Variants in GRM4 observed in about 807,000 individuals in gnomAD.
The protein encoded by GRM4 is glutamate metabotropic receptor 4, also known as metabotropic glutamate receptor 4.
A neutral mutation model predicts 81.7 loss-of-function variants in GRM4; 28 were observed. The ratio of observed to expected loss-of-function variants is 0.34; its 90% CI spans 0.25 to 0.47. The LOEUF is 0.47. Ranked by LOEUF, GRM4 falls within the 20% of genes least tolerant of loss-of-function variation. GRM4 has a pLI of 1.00. For missense variants in GRM4, 948 were observed against 1,290.0 expected (o/e 0.73, Z 4.06); for synonymous variants, 488 against 528.8 (o/e 0.92, Z 1.06).
chr6:34,056,811 T>C (rs1459657789), intron 5 of GRM4, 127 bp from the exon 6 acceptor site: 17 of 1,057,466 alleles, frequency 1.6e-5, no homozygotes, highest in Admixed American at 2.6e-5. Flanking sequence ...GCACATCCTC[T>C]GATCCAGGAG....
Position 34,080,931 on chromosome 6 carries a change from G to A in GRM4, c.736+10952C>T, listed in dbSNP as rs1767563397. ...AGGTCTTCCAAGCCTCAGACCAGGT[G>A]GCGAAACCAGGGACCCTTTGAGATT... On this transcript the variant is annotated intron_variant, in intron 3 of 10. Transcript: ENST00000538487. This position sits in a 1 kb window ranked among gnomAD's most constrained non-coding sequence, Gnocchi z 5.4. Among the ~76,000 whole-genome samples the A allele has an allele frequency of 6.6e-6, 1 of 151,910 alleles. No homozygotes were observed. The highest frequency in any genetic ancestry group is 6.6e-5 in the Admixed American group (1 of 15,250).
In GRM4 at chr6:34,078,943, G is replaced by A. The variant is rs1437067018; in HGVS notation, c.736+12940C>T. Reference sequence around the variant, plus strand: ...GGAGAGAGGAAAGGACGGTCACAACGGGAGGCTGAGAGAGGCCCAGGCGCA... The same window carrying A: ...GGAGAGAGGAAAGGACGGTCACAACAGGAGGCTGAGAGAGGCCCAGGCGCA... On this transcript the variant is annotated intron_variant, in intron 3 of 10. Coordinates refer to ENST00000538487, the MANE Select transcript of GRM4 (RefSeq NM_000841.4). This position sits in a 1 kb window ranked among gnomAD's most constrained non-coding sequence, Gnocchi z 4.8. 1.3e-5 allele frequency among the ~76,000 whole-genome samples: 2 copies of A among 152,212 alleles called. No homozygotes were observed. Among genetic ancestry groups the A allele is most frequent in the African/African-American group, 2.4e-5 (1 of 41,456 alleles).
intron 1 of GRM4, among the ~76,000 whole-genome samples, chr6:34,153,445 C>G (rs541316056): frequency 2.6e-5 from 4 of 152,236 alleles, no homozygotes; most frequent in Non-Finnish European, 5.9e-5. Flanking sequence ...CTTGTCCCCA[C>G]CAAGTGCTCC....
rs568358526 is a variant in GRM4 at position 34,095,143 on chromosome 6, C to A, written c.520-3044G>T. 2.5e-3 allele frequency among the ~76,000 whole-genome samples: 379 copies of A among 152,260 alleles called. 1 individual carries two copies. Among genetic ancestry groups the A allele is most frequent in the African/African-American group, 8.8e-3 (365 of 41,546 alleles). ...GTCAGCCTGCAGGAGAGCCCCGGAC[C>A]CCTGATTTCAAGAGCGCAGGAGGGG... is the stretch of plus-strand genomic sequence containing the variant. On this transcript the variant is annotated intron_variant, in intron 2 of 10. Coordinates refer to ENST00000538487, the MANE Select transcript of GRM4 (RefSeq NM_000841.4).
At chr6:34,107,347 C>A (rs1484335513) in intron 2 of GRM4, among the ~76,000 whole-genome samples, 3 of 152,136 alleles carry the variant, frequency 2.0e-5, no homozygotes, top group Non-Finnish European at 4.4e-5. Context: ...TCAGAATATA[C>A]CTCCTGAGCA....
chr6:34,062,360 G>A (rs996268452), intron 3 of GRM4: 1 of 271,224 alleles, frequency 3.7e-6, no homozygotes, highest in Non-Finnish European at 7.0e-6. Flanking sequence ...ACTTACTGCT[G>A]TGTGACCTTA....
intron 1 of GRM4, among the ~76,000 whole-genome samples, chr6:34,145,780 G>A (rs1770905753): frequency 6.6e-6 from 1 of 152,192 alleles, no homozygotes; most frequent in African/African-American, 2.4e-5. Flanking sequence ...GAAAGTGCGG[G>A]CCAAGCTCAC....
In GRM4 at chr6:34,022,609, C is replaced by T; in HGVS notation, c.*212G>A. ...GACGCAGGTTCTTGTGGTAGCCTGG[C>T]ACCGCCCCGGCCCCTCGTCCTCCTG... On this transcript the variant is annotated 3_prime_UTR_variant, in exon 11 of 11. Transcript: ENST00000538487. The surrounding 1 kb of genome is among the most constrained non-coding windows in gnomAD (Gnocchi z 5.6). The T allele has an allele frequency of 5.1e-6, 3 of 589,702 alleles. No individual in the cohort carries two copies. The South Asian group carries it at 6.0e-5, about 12-fold the overall frequency. 36.5% of individuals were successfully genotyped at this position (589,702 alleles called of 1,614,324 possible). A position where few individuals can be genotyped will look rare whatever the true frequency, so the allele number is the denominator to read the frequency against.
At chr6:34,056,378 C>T (rs1180223792) in intron 6 of GRM4, 166 bp downstream of exon 6, 2 of 625,646 alleles carry the variant, frequency 3.2e-6, no homozygotes, top group Non-Finnish European at 5.5e-6. Context: ...CCCTCAAGGC[C>T]CCGCCCCAGG....
intron 6 of GRM4, 171 bp downstream of exon 6, chr6:34,056,373 A>G: frequency 3.3e-6 from 2 of 601,254 alleles, no homozygotes; most frequent in Non-Finnish European, 5.8e-6. Flanking sequence ...CCCGCCCCTC[A>G]AGGCCCCGCC....
In GRM4 at chr6:34,064,259, A is replaced by G. The variant is rs1188580332; in HGVS notation, c.737-2231T>C. Among the ~76,000 whole-genome samples the G allele has an allele frequency of 6.6e-6, 1 of 152,184 alleles. No homozygotes were observed. Among genetic ancestry groups the G allele is most frequent in the Non-Finnish European group, 1.5e-5 (1 of 68,038 alleles). On this transcript the variant is annotated intron_variant, in intron 3 of 10. Coordinates refer to ENST00000538487, the MANE Select transcript of GRM4 (RefSeq NM_000841.4). The surrounding 1 kb of genome is among the most constrained non-coding windows in gnomAD (Gnocchi z 4.4). Reference sequence around the variant, plus strand: ...ACTAATGAACATTTATGGAGTGTCCAATGCATGGGAAATGCTATTCTGCAA... The same window carrying G: ...ACTAATGAACATTTATGGAGTGTCCGATGCATGGGAAATGCTATTCTGCAA...
intron 2 of GRM4, among the ~76,000 whole-genome samples, chr6:34,132,024 C>T (rs1165308395): frequency 3.3e-5 from 5 of 152,084 alleles, no homozygotes; most frequent in African/African-American, 1.2e-4. Flanking sequence ...AAGAGAGAAA[C>T]GGGCACATAA....
rs544512166 is a variant in GRM4, at chr6:34,035,824, C to A, written c.2286G>T (p.Leu762=). Residue 762 remains leucine (L), a synonymous_variant, in exon 9 of 11, where the codon CTG becomes CTT. Transcript: ENST00000538487. This position sits in a 1 kb window ranked among gnomAD's most constrained non-coding sequence, Gnocchi z 6.6. ...CATACACGGTGCACGTGACCATGAG[C>A]AGCATGCTGTAGCCCAGCAGGCAGA... is the stretch of plus-strand genomic sequence containing the variant. ...SLICLLGYSM[L]LMVTCTVYAI... The A allele has an allele frequency of 6.2e-7, 1 of 1,613,644 alleles. No individual in the cohort carries two copies. Among genetic ancestry groups the A allele is most frequent in the African/African-American group, 1.3e-5 (1 of 75,050 alleles).
chr6:34,096,381 T>A (rs1164657006), intron 2 of GRM4, among the ~76,000 whole-genome samples: 1 of 152,068 alleles, frequency 6.6e-6, no homozygotes, highest in East Asian at 1.9e-4. Flanking sequence ...CAGGCAGCCC[T>A]CCCTGAGCCC....
chr6:34,088,106 T>A (rs2499709), intron 3 of GRM4, among the ~76,000 whole-genome samples: 1 of 152,082 alleles, frequency 6.6e-6, no homozygotes, highest in Non-Finnish European at 1.5e-5. Flanking sequence ...CTCCCGCCTG[T>A]ATGTGCCAGG....
chr6:34,057,330 T>C (rs1765951569), intron 5 of GRM4, among the ~76,000 whole-genome samples: 1 of 152,082 alleles, frequency 6.6e-6, no homozygotes, highest in Admixed American at 6.5e-5. Context: ...ACTGAGCTGC[T>C]CTGTATGGGC....
chr6:34,135,270 C>A (rs998626657), intron 1 of GRM4, among the ~76,000 whole-genome samples: 5 of 152,190 alleles, frequency 3.3e-5, no homozygotes, highest in Non-Finnish European at 7.3e-5. Flanking sequence ...CTGCAGTGCC[C>A]CAGAGTCCAG....
At position 34,080,744 on chromosome 6, in the gene GRM4, G is replaced by C. The variant is rs1767540009; in HGVS notation, c.736+11139C>G. Reference sequence around the variant, plus strand: ...GCCCTCCCAGACCACTTTCAGAAAGGGGCCGTCACAGCTCATACTTGGTCA... The same window carrying C: ...GCCCTCCCAGACCACTTTCAGAAAGCGGCCGTCACAGCTCATACTTGGTCA... On this transcript the variant is annotated intron_variant, in intron 3 of 10. Transcript: ENST00000538487. This position sits in a 1 kb window ranked among gnomAD's most constrained non-coding sequence, Gnocchi z 5.4. Among the ~76,000 whole-genome samples, 1 of 151,968 alleles carries C rather than the reference G, an allele frequency of 6.6e-6. No homozygotes were observed. Among genetic ancestry groups the C allele is most frequent in the Non-Finnish European group, 1.5e-5 (1 of 67,992 alleles).
intron 3 of GRM4, among the ~76,000 whole-genome samples, chr6:34,085,936 C>T (rs1244739493): frequency 6.6e-6 from 1 of 152,162 alleles, no homozygotes; most frequent in South Asian, 2.1e-4. Flanking sequence ...GCAGGAGAAG[C>T]TTTCCCACAG....
Sources: gnomAD v4.1 joint callset for allele counts (sites outside exome capture counted in the v4.1 genomes callset) on GRCh38, gnomAD v4.1.1 for gene constraint, Gnocchi (gnomAD v3.1) non-coding constraint, MANE v1.5 for transcripts, NCBI Gene and HGNC (gene_info 2026-07-23, HGNC 2026-07-21) for gene names.